FTHL17: variants seen among roughly 807,000 people sequenced by gnomAD.
FTHL17 encodes the protein ferritin heavy chain like 17.
For synonymous variants in FTHL17, 85 were observed against 76.6 expected, an observed-to-expected ratio of 1.11 and a Z score of -0.58; for missense variants, 146 against 156.7, an observed-to-expected ratio of 0.93 and a Z score of 0.37.
In FTHL17 at chrX:31,071,310, C is replaced by T; in HGVS notation, c.*92G>A. ...ACAATGGTAAAACTGAAAGATAAAA[C>T]TGAAGAGAACGTTCTGAAAGGGCAA... On this transcript the variant is annotated 3_prime_UTR_variant, in exon 1 of 1. Coordinates refer to ENST00000359202, the MANE Select transcript of FTHL17 (RefSeq NM_031894.3). 3 of 702,489 alleles carry T rather than the reference C, an allele frequency of 4.3e-6. No homozygotes were observed. Among genetic ancestry groups the T allele is most frequent in the East Asian group, 6.6e-5 (2 of 30,170 alleles). 57.9% of individuals were successfully genotyped at this position (702,489 alleles called of 1,213,427 possible). A position where few individuals can be genotyped will look rare whatever the true frequency, so the allele number is the denominator to read the frequency against.
Position 31,071,918 on chromosome X carries a change from C to T in FTHL17, c.36G>A (p.Lys12=), listed in dbSNP as rs2031075269. 1.7e-6 allele frequency: 2 copies of T among 1,206,762 alleles called. No homozygotes were observed. The highest frequency in any genetic ancestry group is 2.2e-5 in the Admixed American group (1 of 45,709). ...TGGCGGCGTCGCAGTTGGTGTCGTACTTCTGGCGCACCTGCGACGGCTGGG... is the reference window on the plus strand; with the variant it reads ...TGGCGGCGTCGCAGTTGGTGTCGTATTTCTGGCGCACCTGCGACGGCTGGG... The part of the protein sequence containing the change: ...ATAQPSQVRQ[K]YDTNCDAAIN... The change falls in exon 1 of 1, where the codon AAG becomes AAA. Residue 12 remains lysine (K), a synonymous_variant. Coordinates refer to ENST00000359202, the MANE Select transcript of FTHL17 (RefSeq NM_031894.3).
Position 31,071,666 on chromosome X carries a change from G to A in FTHL17, c.288C>T (p.Ser96=), listed in dbSNP as rs370626340. ...IRKPECQGWE[S]GLVAMESAFH... ...AGGCGGACTCCATGGCCACGAGCCCGCTCTCCCAGCCTTGGCACTCTGGCT... is the reference window on the plus strand; with the variant it reads ...AGGCGGACTCCATGGCCACGAGCCCACTCTCCCAGCCTTGGCACTCTGGCT... The change falls in exon 1 of 1, where the codon AGC becomes AGT. Residue 96 remains serine (S), a synonymous_variant. Transcript: ENST00000359202. 1.3e-5 allele frequency: 16 copies of A among 1,209,897 alleles called. No homozygotes were observed. The highest frequency in any genetic ancestry group is 1.7e-5 in the Non-Finnish European group (15 of 894,998).
rs1213071568 is a variant in FTHL17, at chrX:31,071,569, G to T, written c.385C>A (p.Gln129Lys). Reference sequence around the variant, plus strand: ...TGGCTCTCCAGGAAGTGGCACAGCTGGGGGTCGCCCTTCTCCACGGCCAGC... The same window carrying T: ...TGGCTCTCCAGGAAGTGGCACAGCTTGGGGTCGCCCTTCTCCACGGCCAGC... ...YQLAVEKGDP[Q>K]LCHFLESHYL... Residue 129 changes from glutamine (Q) to lysine (K), a missense_variant, in exon 1 of 1, where the codon CAG becomes AAG. By Grantham distance (53) the Gln-to-Lys change is moderately conservative (BLOSUM62 1). Transcript: ENST00000359202. The T allele has an allele frequency of 1.7e-6, 2 of 1,210,019 alleles. No individual in the cohort carries two copies. The highest frequency in any genetic ancestry group is 3.5e-5 in the African/African-American group (2 of 57,169).
Position 31,071,358 on chromosome X carries a change from CTG to C in FTHL17, c.*42_*43del, listed in dbSNP as rs765899076. 1 of 1,088,541 alleles carries C rather than the reference CTG, an allele frequency of 9.2e-7. No individual in the cohort carries two copies. The highest frequency in any genetic ancestry group is 1.3e-6 in the Non-Finnish European group (1 of 791,693). 89.7% of individuals were successfully genotyped at this position (1,088,541 alleles called of 1,213,427 possible). On this transcript the variant is annotated 3_prime_UTR_variant, in exon 1 of 1. Coordinates refer to ENST00000359202, the MANE Select transcript of FTHL17 (RefSeq NM_031894.3). The stretch of plus-strand genomic sequence containing the variant: ...CAACATGCACGCCCCGCCTAGTGGC[CTG>C]ACCCAGGGAAGGGACCCCGTGGCTG...
rs1180843845 is a variant in FTHL17 at position 31,072,021 on chromosome X, G to A, written c.-68C>T. The A allele has an allele frequency of 5.7e-5, 52 of 913,123 alleles. No homozygotes were observed. Among genetic ancestry groups the A allele is most frequent in the Non-Finnish European group, 7.9e-5 (51 of 644,859 alleles). The allele number at this position is 913,123 out of a possible 1,213,427, so 75.3% of individuals were successfully genotyped here. On this transcript the variant is annotated 5_prime_UTR_variant, in exon 1 of 1. Coordinates refer to ENST00000359202, the MANE Select transcript of FTHL17 (RefSeq NM_031894.3). ...TGCGGTAGCGAGGGCAGCAGCTGAG[G>A]TGACAAGAATGGCGGATAGTGAAAG... is the stretch of plus-strand genomic sequence containing the variant.
Position 31,072,031 on chromosome X carries a change from T to A in FTHL17, c.-78A>T. ...AGGGCAGCAGCTGAGGTGACAAGAA[T>A]GGCGGATAGTGAAAGGCGGGTGTGC... On this transcript the variant is annotated 5_prime_UTR_variant, in exon 1 of 1. Coordinates refer to ENST00000359202, the MANE Select transcript of FTHL17 (RefSeq NM_031894.3). 1.2e-6 allele frequency: 1 copy of A among 811,083 alleles called. No individual in the cohort carries two copies. The highest frequency in any genetic ancestry group is 1.8e-6 in the Non-Finnish European group (1 of 560,003). The allele number at this position is 811,083 out of a possible 1,213,427, so 66.8% of individuals were successfully genotyped here.
In FTHL17 at chrX:31,071,400, G is replaced by A. The variant is rs1159811371; in HGVS notation, c.*2C>T. ...CCCCGTGGCTGTGGGGCCCATCTGG[G>A]CTCAAGTCTCTTTGACGCGGCCGCC... is the stretch of plus-strand genomic sequence containing the variant. On this transcript the variant is annotated 3_prime_UTR_variant, in exon 1 of 1. Transcript: ENST00000359202. 2 of 1,205,361 alleles carry A rather than the reference G, an allele frequency of 1.7e-6. No homozygotes were observed. The highest frequency in any genetic ancestry group is 2.2e-6 in the Non-Finnish European group (2 of 891,239).
In FTHL17 at chrX:31,071,244, G is replaced by T; in HGVS notation, c.*158C>A. The T allele has an allele frequency of 2.2e-6, 1 of 460,502 alleles. No individual in the cohort carries two copies. The highest frequency in any genetic ancestry group is 3.7e-5 in the East Asian group (1 of 27,107). 38.0% of individuals were successfully genotyped at this position (460,502 alleles called of 1,213,427 possible). A position where few individuals can be genotyped will look rare whatever the true frequency, so the allele number is the denominator to read the frequency against. On this transcript the variant is annotated 3_prime_UTR_variant, in exon 1 of 1. Transcript: ENST00000359202. ...GTGAGAGTTGCAGGTGTATCAAATG[G>T]ACACCTTTATTGCTTTGAGAACCAG...
Position 31,071,915 on chromosome X carries a change from G to T in FTHL17, c.39C>A (p.Tyr13Ter), listed in dbSNP as rs779874259. 1 of 1,208,994 alleles carries T rather than the reference G, an allele frequency of 8.3e-7. No individual in the cohort carries two copies. Among genetic ancestry groups the T allele is most frequent in the South Asian group, 1.8e-5 (1 of 56,863 alleles). The stretch of plus-strand genomic sequence containing the variant: ...TGATGGCGGCGTCGCAGTTGGTGTC[G>T]TACTTCTGGCGCACCTGCGACGGCT... ...TAQPSQVRQK[Y>*]DTNCDAAINS... is the part of the protein sequence containing the mutation. Residue 13 changes from tyrosine to a stop codon, truncating the protein, a stop_gained, in exon 1 of 1, where the codon TAC (tyrosine) becomes TAA (stop). Transcript: ENST00000359202. LOFTEE classifies it low-confidence loss of function (END_TRUNC).
chrX:31,072,017 T>C lies in FTHL17; in HGVS notation c.-64A>G, dbSNP rs778523893. 3 of 928,627 alleles carry C rather than the reference T, an allele frequency of 3.2e-6. No individual in the cohort carries two copies. The highest frequency in any genetic ancestry group is 4.6e-6 in the Non-Finnish European group (3 of 659,338). 76.5% of individuals were successfully genotyped at this position (928,627 alleles called of 1,213,427 possible). On this transcript the variant is annotated 5_prime_UTR_variant, in exon 1 of 1. Transcript: ENST00000359202. The stretch of plus-strand genomic sequence containing the variant: ...TCGGTGCGGTAGCGAGGGCAGCAGC[T>C]GAGGTGACAAGAATGGCGGATAGTG...
chrX:31,071,839 C>T lies in FTHL17; in HGVS notation c.115G>A (p.Ala39Thr). Residue 39 changes from alanine to threonine, a missense_variant, in exon 1 of 1, where the codon GCC becomes ACC. Transcript: ENST00000359202. ...ACGTCGTCCCGGTTGAAGTAGAAGG[C>T]CATAGACAGGTACAGGTAGGAGGTG... Reference protein sequence around the residue: ...LYTSYLYLSMAFYFNRDDVAL... With the variant: ...LYTSYLYLSMTFYFNRDDVAL... 8.3e-7 allele frequency: 1 copy of T among 1,210,144 alleles called. No individual in the cohort carries two copies. Among genetic ancestry groups the T allele is most frequent in the Non-Finnish European group, 1.1e-6 (1 of 894,204 alleles).
At position 31,071,492 on chromosome X, in the gene FTHL17, G is replaced by A. The variant is rs767741823; in HGVS notation, c.462C>T (p.Ser154=). The change falls in exon 1 of 1, where the codon AGC becomes AGT. Residue 154 remains serine, a synonymous_variant. Coordinates refer to ENST00000359202, the MANE Select transcript of FTHL17 (RefSeq NM_031894.3). ...KTIKELGGYV[S]NLRKICSPEA... is the part of the protein sequence containing the mutation. ...CCGGGGAACAAATCTTGCGCAGGTT[G>A]CTCACGTAGCCACCCAGCTCTTTGA... The A allele has an allele frequency of 5.0e-6, 6 of 1,209,277 alleles. No homozygotes were observed.
rs370626340 is a variant in FTHL17, at chrX:31,071,666, G to T, written c.288C>A (p.Ser96Arg). Residue 96 changes from serine to arginine, a missense_variant, in exon 1 of 1, where the codon AGC becomes AGA. Transcript: ENST00000359202. ...AGGCGGACTCCATGGCCACGAGCCC[G>T]CTCTCCCAGCCTTGGCACTCTGGCT... ...IRKPECQGWESGLVAMESAFH... is the reference protein window; with the variant it reads ...IRKPECQGWERGLVAMESAFH... 3 of 1,211,646 alleles carry T rather than the reference G, an allele frequency of 2.5e-6. No homozygotes were observed. In the Admixed American group the frequency reaches 6.5e-5, roughly 26 times the overall value.
rs1008080914 is a variant in FTHL17 at position 31,071,385 on chromosome X, G to C, written c.*17C>G. The C allele has an allele frequency of 5.0e-6, 6 of 1,191,154 alleles. No homozygotes were observed. The highest frequency in any genetic ancestry group is 6.8e-6 in the Non-Finnish European group (6 of 879,714). ...GACCCAGGGAAGGGACCCCGTGGCT[G>C]TGGGGCCCATCTGGGCTCAAGTCTC... On this transcript the variant is annotated 3_prime_UTR_variant, in exon 1 of 1. Coordinates refer to ENST00000359202, the MANE Select transcript of FTHL17 (RefSeq NM_031894.3).
At position 31,071,452 on chromosome X, in the gene FTHL17, C is replaced by T. The variant is rs1324588817; in HGVS notation, c.502G>A (p.Glu168Lys). 1.7e-6 allele frequency: 2 copies of T among 1,211,930 alleles called. No homozygotes were observed. Among genetic ancestry groups the T allele is most frequent in the South Asian group, 1.8e-5 (1 of 56,967 alleles). Residue 168 changes from glutamate (E) to lysine (K), a missense_variant, in exon 1 of 1, where the codon GAG becomes AAG. Transcript: ENST00000359202. ...KICSPEAGLA[E>K]YLFDKLTLGG... Reference sequence around the variant, plus strand: ...AGGGTGAGCTTGTCGAACAGGTACTCAGCCAGGCCGGCTTCCGGGGAACAA... The same window carrying T: ...AGGGTGAGCTTGTCGAACAGGTACTTAGCCAGGCCGGCTTCCGGGGAACAA...
chrX:31,071,362 C>A lies in FTHL17; in HGVS notation c.*40G>T, dbSNP rs764900682. 2 of 1,117,463 alleles carry A rather than the reference C, an allele frequency of 1.8e-6. No homozygotes were observed. The highest frequency in any genetic ancestry group is 3.9e-5 in the South Asian group (2 of 51,732). 92.1% of individuals were successfully genotyped at this position (1,117,463 alleles called of 1,213,427 possible). Reference sequence around the variant, plus strand: ...ATGCACGCCCCGCCTAGTGGCCTGACCCAGGGAAGGGACCCCGTGGCTGTG... The same window carrying A: ...ATGCACGCCCCGCCTAGTGGCCTGAACCAGGGAAGGGACCCCGTGGCTGTG... On this transcript the variant is annotated 3_prime_UTR_variant, in exon 1 of 1. Transcript: ENST00000359202.
In FTHL17 at chrX:31,071,550, T is replaced by C. The variant is rs925741285; in HGVS notation, c.404A>G (p.Glu135Gly). The C allele has an allele frequency of 2.5e-6, 3 of 1,211,975 alleles. No homozygotes were observed. The highest frequency in any genetic ancestry group is 3.5e-5 in the African/African-American group (2 of 57,857). ...KGDPQLCHFL[E>G]SHYLHEQVKT... ...GACTTGCTCGTGCAGGTAGTGGCTC[T>C]CCAGGAAGTGGCACAGCTGGGGGTC... The change falls in exon 1 of 1, where the codon GAG becomes GGG. Residue 135 changes from glutamate to glycine, a missense_variant. By Grantham distance (98) the Glu-to-Gly change is moderately conservative. Transcript: ENST00000359202.
Position 31,071,240 on chromosome X carries a change from A to T in FTHL17, c.*162T>A, listed in dbSNP as rs73460241. On this transcript the variant is annotated 3_prime_UTR_variant, in exon 1 of 1. Transcript: ENST00000359202. The stretch of plus-strand genomic sequence containing the variant: ...AAAGGTGAGAGTTGCAGGTGTATCA[A>T]ATGGACACCTTTATTGCTTTGAGAA... The T allele has an allele frequency of 2.4e-3, 1,087 of 457,587 alleles. 13 individuals carry two copies. The African/African-American group carries it at 0.024, about 10-fold the overall frequency. 37.7% of individuals were successfully genotyped at this position (457,587 alleles called of 1,213,427 possible). A position where few individuals can be genotyped will look rare whatever the true frequency, so the allele number is the denominator to read the frequency against.
rs761340395 is a variant in FTHL17 at position 31,071,983 on chromosome X, C to T, written c.-30G>A. 3.4e-5 allele frequency: 38 copies of T among 1,129,899 alleles called. No individual in the cohort carries two copies. Among genetic ancestry groups the T allele is most frequent in the Admixed American group, 4.5e-5 (2 of 44,072 alleles). The allele number at this position is 1,129,899 out of a possible 1,213,427, so 93.1% of individuals were successfully genotyped here. A position where few individuals can be genotyped will look rare whatever the true frequency, so the allele number is the denominator to read the frequency against. ...GGCAGCGCAAGTGCAGGCGAGCACA[C>T]GGGCGAAGTCGGTGCGGTAGCGAGG... On this transcript the variant is annotated 5_prime_UTR_variant, in exon 1 of 1. It adds an upstream start codon to the 5' untranslated region. Transcript: ENST00000359202.
Sources: allele counts gnomAD v4.1 joint callset, GRCh38; gene constraint gnomAD v4.1.1; transcripts MANE v1.5; gene names NCBI Gene and HGNC (gene_info 2026-07-23, HGNC 2026-07-21).